The following ADCY2 variants were observed in gnomAD, a reference collection of about 807,000 sequenced individuals.
ADCY2 encodes adenylate cyclase 2, also known as adenylate cyclase type 2.
In ADCY2, 31 loss-of-function variants were observed where a neutral mutation model predicts 125.2. The observed-to-expected ratio is 0.25, with a 90% CI of 0.19 to 0.33. ADCY2 has a LOEUF of 0.33. Among genes scored for constraint, ADCY2 ranks in the 10% least tolerant of loss-of-function variants. The pLI, the probability that ADCY2 is intolerant of heterozygous loss-of-function variation, is 1.00. For missense variants in ADCY2, 904 were observed against 1,418.2 expected (o/e 0.64, Z 5.82); for synonymous variants, 512 against 548.4 (o/e 0.93, Z 0.93).
At position 7,621,240 on chromosome 5, in the gene ADCY2, T is replaced by G. The variant is rs539530730; in HGVS notation, c.571-4927T>G. On this transcript the variant is annotated intron_variant, in intron 3 of 24. Transcript: ENST00000338316. ...GAGCAGCCTGACCCTCCCCTCACTC[T>G]CCTCTAAACACGCACAGATGCATGA... Among the ~76,000 whole-genome samples the G allele has an allele frequency of 3.9e-5, 6 of 152,234 alleles. No homozygotes were observed. In the South Asian group the frequency reaches 8.3e-4, roughly 21 times the overall value.
At chr5:7,546,435 T>G (rs756518256) in intron 3 of ADCY2, among the ~76,000 whole-genome samples, 1 of 152,162 alleles carries the variant, frequency 6.6e-6, no homozygotes, top group Non-Finnish European at 1.5e-5. Context: ...TTTTCTGGTG[T>G]GAAGACCGAG....
chr5:7,586,386 G>C (rs1248736750), intron 3 of ADCY2, among the ~76,000 whole-genome samples: 2 of 152,086 alleles, frequency 1.3e-5, no homozygotes, highest in East Asian at 3.9e-4. Flanking sequence ...ACATTAACAG[G>C]CCTGTCCTTT....
At chr5:7,585,011 A>G (rs1489695130) in intron 3 of ADCY2, among the ~76,000 whole-genome samples, 1 of 152,170 alleles carries the variant, frequency 6.6e-6, no homozygotes, top group East Asian at 1.9e-4. Context: ...CTGAAAATCT[A>G]AAAATAATAT....
intron 2 of ADCY2, among the ~76,000 whole-genome samples, chr5:7,480,700 A>G (rs1466612954): frequency 1.3e-5 from 2 of 152,084 alleles, no homozygotes; most frequent in African/African-American, 4.8e-5. Flanking sequence ...ACAAACCCCC[A>G]TGACACAAGT....
At position 7,396,389 on chromosome 5, in the gene ADCY2, C is replaced by T. The variant is rs768576739; in HGVS notation, c.93C>T (p.Asp31=). The T allele has an allele frequency of 6.4e-7, 1 of 1,567,216 alleles. No homozygotes were observed. The highest frequency in any genetic ancestry group is 1.1e-5 in the South Asian group (1 of 87,240). ...GAGACGGGCTGCCGCGGTCCCGGGA[C>T]TGGCTCTACGAGTCCTACTACTGCA... The part of the protein sequence containing the change: ...GGGDGLPRSR[D]WLYESYYCMS... The change falls in exon 1 of 25, where the codon GAC becomes GAT. Residue 31 remains aspartate (D), a synonymous_variant. Transcript: ENST00000338316. This position sits in a 1 kb window ranked among gnomAD's most constrained non-coding sequence, Gnocchi z 5.7.
rs574944202 is a variant in ADCY2 at position 7,559,858 on chromosome 5, C to T, written c.570+38959C>T. Among the ~76,000 whole-genome samples the T allele has an allele frequency of 1.1e-4, 17 of 152,320 alleles. No individual in the cohort carries two copies. In the South Asian group the frequency reaches 3.5e-3, roughly 32 times the overall value. On this transcript the variant is annotated intron_variant, in intron 3 of 24. Coordinates refer to ENST00000338316, the MANE Select transcript of ADCY2 (RefSeq NM_020546.3). ...AAAAGCCTACTTCAGAAAGATAAAA[C>T]TTTTATGAAAATTTGGAGCAGAAAT...
intron 21 of ADCY2, among the ~76,000 whole-genome samples, chr5:7,803,245 A>G (rs1744655051): frequency 1.3e-5 from 2 of 152,172 alleles, no homozygotes; most frequent in Admixed American, 6.5e-5. Flanking sequence ...TCCTCAGTGA[A>G]ATAAACATTC....
chr5:7,715,143 A>G (rs567564195), intron 11 of ADCY2, among the ~76,000 whole-genome samples: 1 of 152,336 alleles, frequency 6.6e-6, no homozygotes, highest in South Asian at 2.1e-4. Flanking sequence ...AGAGGTCACA[A>G]GACTGCAGAG....
intron 3 of ADCY2, among the ~76,000 whole-genome samples, chr5:7,599,141 C>T (rs1737113044): frequency 6.6e-6 from 1 of 151,904 alleles, no homozygotes; most frequent in African/African-American, 2.4e-5. Context: ...AGGGACAGCC[C>T]AGGAGCAGCT....
intron 4 of ADCY2, among the ~76,000 whole-genome samples, chr5:7,652,294 A>G (rs1389780363): frequency 2.0e-5 from 3 of 152,212 alleles, no homozygotes; most frequent in African/African-American, 7.2e-5. Flanking sequence ...ATAAAAATGA[A>G]TCCTTTATAT....
chr5:7,471,441 C>A (rs551837432), intron 2 of ADCY2, among the ~76,000 whole-genome samples: 1 of 151,980 alleles, frequency 6.6e-6, no homozygotes, highest in East Asian at 1.9e-4. Context: ...TAATTATAGT[C>A]CACCCTTAAA....
intron 14 of ADCY2, among the ~76,000 whole-genome samples, chr5:7,740,134 T>C (rs374649583): frequency 2.0e-5 from 3 of 151,614 alleles, no homozygotes; most frequent in East Asian, 3.9e-4. Context: ...CGAAATAAAA[T>C]GAGAAAGGTT....
intron 2 of ADCY2, among the ~76,000 whole-genome samples, chr5:7,480,474 C>G (rs1433680183): frequency 2.6e-5 from 4 of 152,080 alleles, no homozygotes; most frequent in Non-Finnish European, 5.9e-5. Context: ...ACCTGGAGAC[C>G]ATTATCCTTA....
At chr5:7,792,017 A>G (rs1024294136) in intron 20 of ADCY2, among the ~76,000 whole-genome samples, 1 of 152,054 alleles carries the variant, frequency 6.6e-6, no homozygotes, top group Non-Finnish European at 1.5e-5. Context: ...GCACCAGGAA[A>G]GTGCCTAATT....
intron 7 of ADCY2, among the ~76,000 whole-genome samples, chr5:7,699,104 T>TTTTTTTTG (rs1740993163): frequency 8.6e-6 from 1 of 116,934 alleles, no homozygotes; most frequent in Non-Finnish European, 1.7e-5. Flanking sequence ...TTTTTTTTTT[T>TTTTTTTTG]TTTTTTTTTT....
chr5:7,762,128 G>C (rs1347207942), intron 16 of ADCY2, among the ~76,000 whole-genome samples: 1 of 152,196 alleles, frequency 6.6e-6, no homozygotes, highest in Non-Finnish European at 1.5e-5. Flanking sequence ...AGGGGGAGAA[G>C]AAATCAGAGC....
At chr5:7,573,593 C>CTTTTTTTTTTTT (rs763347773) in intron 3 of ADCY2, among the ~76,000 whole-genome samples, 4 of 86,376 alleles carry the variant, frequency 4.6e-5, no homozygotes, top group Non-Finnish European at 9.6e-5. Context: ...GGTTGATTTT[C>CTTTTTTTTTTTT]TTTTTTTTTT....
At chr5:7,685,575 G>A (rs1043781366) in intron 4 of ADCY2, among the ~76,000 whole-genome samples, 1 of 152,210 alleles carries the variant, frequency 6.6e-6, no homozygotes, top group Non-Finnish European at 1.5e-5. Flanking sequence ...GTAAGAGTAA[G>A]AGTTTTAACT....
intron 18 of ADCY2, among the ~76,000 whole-genome samples, chr5:7,780,859 C>G (rs1394810251): frequency 3.3e-5 from 5 of 152,108 alleles, no homozygotes; most frequent in Non-Finnish European, 7.4e-5. Context: ...ATCTCCCTCA[C>G]CAGTACGTTG....
Sources: allele counts gnomAD v4.1 joint callset (sites outside exome capture counted in the v4.1 genomes callset), GRCh38; gene constraint gnomAD v4.1.1; non-coding constraint Gnocchi (gnomAD v3.1); transcripts MANE v1.5; gene names NCBI Gene and HGNC (gene_info 2026-07-23, HGNC 2026-07-21).